Variants in WDR70 observed in about 807,000 individuals in gnomAD.
WDR70 encodes the protein WD repeat-containing protein 70.
In WDR70, 53 loss-of-function variants were observed where a neutral mutation model predicts 88.6. The observed-to-expected ratio is 0.60, with a 90% CI of 0.48 to 0.75. The LOEUF (loss-of-function observed/expected upper bound fraction) is 0.75. Among genes scored for constraint, WDR70 ranks in the 30% least tolerant of loss-of-function variants. The pLI, the probability that WDR70 is intolerant of heterozygous loss-of-function variation, is 0.00. For synonymous variants in WDR70, 280 were observed against 270.0 expected (o/e 1.04, Z -0.36); for missense variants, 610 against 823.2 (o/e 0.74, Z 3.17).
At chr5:37,425,246 A>G (rs1441311089) in intron 5 of WDR70, among the ~76,000 whole-genome samples, 5 of 152,202 alleles carry the variant, frequency 3.3e-5, no homozygotes, top group African/African-American at 7.2e-5. Flanking sequence ...GTGAGACCCT[A>G]TCTCAAAAAA....
intron 5 of WDR70, among the ~76,000 whole-genome samples, chr5:37,432,580 T>C (rs994283636): frequency 6.6e-6 from 1 of 151,098 alleles, no homozygotes; most frequent in Non-Finnish European, 1.5e-5. Flanking sequence ...TTTTTTTTAC[T>C]AGAGATGGGG....
In WDR70 at chr5:37,539,450, G is replaced by T. The variant is rs761397114; in HGVS notation, c.917+22860G>T. Reference sequence around the variant, plus strand: ...CCATGTGAGGACATAGTGAGAAAGTGCCCATCTATCAGCAAAACAAGGAAA... The same window carrying T: ...CCATGTGAGGACATAGTGAGAAAGTTCCCATCTATCAGCAAAACAAGGAAA... On this transcript the variant is annotated intron_variant, in intron 9 of 17. Coordinates refer to ENST00000265107, the MANE Select transcript of WDR70 (RefSeq NM_018034.4). Among the ~76,000 whole-genome samples, 5 of 152,292 alleles carry T rather than the reference G, an allele frequency of 3.3e-5. 2 individuals are homozygous for T. Among genetic ancestry groups the T allele is most frequent in the Admixed American group, 3.3e-4 (5 of 15,300 alleles).
At chr5:37,391,047 A>G (rs985320403) in intron 3 of WDR70, among the ~76,000 whole-genome samples, 1 of 152,204 alleles carries the variant, frequency 6.6e-6, no homozygotes, top group Non-Finnish European at 1.5e-5. Context: ...TTAAAACATT[A>G]GAAAGTTAAT....
At position 37,649,733 on chromosome 5, in the gene WDR70, C is replaced by CTTTTTTTTTTTTTTTTTTT. The variant is rs70978834; in HGVS notation, c.1092+44499_1092+44517dup. On this transcript the variant is annotated intron_variant, in intron 10 of 17. Coordinates refer to ENST00000265107, the MANE Select transcript of WDR70 (RefSeq NM_018034.4). The stretch of plus-strand genomic sequence containing the variant: ...ATATACATTCACGATGTTATTACTT[C>CTTTTTTTTTTTTTTTTTTT]TTTTTTTTTTTTTTTTTTTTTTGAG... Among the ~76,000 whole-genome samples, 15 of 68,740 alleles carry CTTTTTTTTTTTTTTTTTTT rather than the reference C, an allele frequency of 2.2e-4. 2 individuals carry two copies. Among genetic ancestry groups the CTTTTTTTTTTTTTTTTTTT allele is most frequent in the African/African-American group, 9.6e-4 (15 of 15,616 alleles). 45.1% of individuals were successfully genotyped at this position (68,740 alleles called of 152,430 possible).
chr5:37,613,967 T>C (rs1744259863), intron 10 of WDR70, among the ~76,000 whole-genome samples: 1 of 152,254 alleles, frequency 6.6e-6, no homozygotes, highest in Admixed American at 6.5e-5. Context: ...GCCCACTACC[T>C]GTTTTTGTAT....
chr5:37,615,931 A>G (rs1460803717), intron 10 of WDR70, among the ~76,000 whole-genome samples: 3 of 152,134 alleles, frequency 2.0e-5, no homozygotes, highest in South Asian at 4.2e-4. Flanking sequence ...GATGCTGGCT[A>G]TCCTCACCCT....
chr5:37,626,686 G>T (rs1245975597), intron 10 of WDR70, among the ~76,000 whole-genome samples: 1 of 152,150 alleles, frequency 6.6e-6, no homozygotes, highest in Non-Finnish European at 1.5e-5. Flanking sequence ...AGTTTGGAAA[G>T]AATTGGTATT....
At chr5:37,383,401 A>G (rs905667127) in intron 3 of WDR70, among the ~76,000 whole-genome samples, 1 of 152,046 alleles carries the variant, frequency 6.6e-6, no homozygotes, top group Admixed American at 6.6e-5. Context: ...CTGGGATTAC[A>G]GGTGACCACC....
intron 9 of WDR70, among the ~76,000 whole-genome samples, chr5:37,552,744 G>A (rs368658434): frequency 5.3e-5 from 8 of 152,134 alleles, no homozygotes; most frequent in African/African-American, 1.9e-4. Flanking sequence ...ACTATTTTGG[G>A]TCGTTCGCTA....
chr5:37,459,317 G>T (rs1247522493), intron 7 of WDR70, among the ~76,000 whole-genome samples: 1 of 145,694 alleles, frequency 6.9e-6, no homozygotes, highest in Non-Finnish European at 1.5e-5. Flanking sequence ...ATTTGGGGTG[G>T]AGAGTTCTGT....
chr5:37,716,396 C>A (rs1253519231), intron 13 of WDR70, among the ~76,000 whole-genome samples: 1 of 152,106 alleles, frequency 6.6e-6, no homozygotes, highest in Admixed American at 6.6e-5. Context: ...GTAATAACTC[C>A]TTTTTAATAC....
intron 13 of WDR70, among the ~76,000 whole-genome samples, chr5:37,715,823 G>T (rs1329175707): frequency 6.6e-6 from 1 of 152,142 alleles, no homozygotes; most frequent in Non-Finnish European, 1.5e-5. Context: ...TCTTTCTCCA[G>T]TATTTTTTTT....
At chr5:37,738,007 G>T (rs1748351472) in intron 17 of WDR70, among the ~76,000 whole-genome samples, 1 of 145,926 alleles carries the variant, frequency 6.9e-6, no homozygotes. Flanking sequence ...GAAACATCTT[G>T]TTGCCTAGTG....
chr5:37,379,611 C>T (rs1748358251), intron 2 of WDR70, 57 bp downstream of exon 2: 29 of 1,586,694 alleles, frequency 1.8e-5, no homozygotes, highest in Non-Finnish European at 2.2e-5. Flanking sequence ...TGAAGATCCG[C>T]AGAGTGGGAG....
At chr5:37,652,802 CTT>C (rs1445908855) in intron 10 of WDR70, among the ~76,000 whole-genome samples, 2 of 152,186 alleles carry the variant, frequency 1.3e-5, no homozygotes, top group Non-Finnish European at 2.9e-5. Flanking sequence ...TATCCTGAGA[CTT>C]TGCTAAAGTT....
chr5:37,487,623 ATGTAT>A (rs1401087757), intron 8 of WDR70, among the ~76,000 whole-genome samples: 1,976 of 18,462 alleles, frequency 0.11, 47 homozygotes, highest in Admixed American at 0.3. Context: ...ATATATATAT[ATGTAT>A]TTTTTTTTTT....
intron 8 of WDR70, among the ~76,000 whole-genome samples, chr5:37,484,631 A>T (rs1739800385): frequency 6.6e-6 from 1 of 152,224 alleles, no homozygotes; most frequent in Non-Finnish European, 1.5e-5. Flanking sequence ...TAATGGGATA[A>T]TGATATTTTA....
At chr5:37,481,621 A>G (rs954741834) in intron 8 of WDR70, among the ~76,000 whole-genome samples, 3 of 152,018 alleles carry the variant, frequency 2.0e-5, no homozygotes, top group Admixed American at 1.3e-4. Flanking sequence ...TTTCCTTCTA[A>G]GCCTCCAGGC....
chr5:37,415,976 C>T (rs1749730818), intron 5 of WDR70, among the ~76,000 whole-genome samples: 1 of 151,882 alleles, frequency 6.6e-6, no homozygotes, highest in Non-Finnish European at 1.5e-5. Flanking sequence ...AGGCGCTTCT[C>T]ACTTCCTGGA....
Sources: gnomAD v4.1 joint callset for allele counts (sites outside exome capture counted in the v4.1 genomes callset) on GRCh38, gnomAD v4.1.1 for gene constraint, MANE v1.5 for transcripts, NCBI Gene and HGNC (gene_info 2026-07-23, HGNC 2026-07-21) for gene names.